FBXO34: variants seen among roughly 807,000 people sequenced by gnomAD.
The protein encoded by FBXO34 is F-box only protein 34.
FBXO34 carries 12 observed loss-of-function variants against 24.5 expected under a neutral mutation model. That is an observed-to-expected ratio of 0.49 (90% CI 0.31 to 0.79). The LOEUF is 0.79. Among genes scored for constraint, FBXO34 ranks in the 30% least tolerant of loss-of-function variants. The probability of loss-of-function intolerance (pLI) is 0.04; values close to 1 mark genes in which losing one functional copy is unlikely to be tolerated. For synonymous variants in FBXO34, 320 were observed against 311.9 expected, an observed-to-expected ratio of 1.03 and a Z score of -0.27; for missense variants, 823 against 857.7, an observed-to-expected ratio of 0.96 and a Z score of 0.51.
chr14:55,335,865 A>G (rs917576424), intron 1 of FBXO34, among the ~76,000 whole-genome samples: 2 of 152,204 alleles, frequency 1.3e-5, no homozygotes, highest in African/African-American at 4.8e-5. Flanking sequence ...CTACATGCCA[A>G]CTGTTCAAAA....
intron 1 of FBXO34, among the ~76,000 whole-genome samples, chr14:55,291,317 C>G (rs1037540230): frequency 6.6e-5 from 10 of 152,146 alleles, no homozygotes; most frequent in African/African-American, 2.2e-4. Flanking sequence ...AGAGAAAATA[C>G]TTCTATGCTT....
intron 1 of FBXO34, among the ~76,000 whole-genome samples, chr14:55,300,364 G>A (rs1228087119): frequency 2.6e-5 from 4 of 152,166 alleles, no homozygotes; most frequent in Admixed American, 2.0e-4. Context: ...AGGCTGAGGC[G>A]GGTGGATCAC....
chr14:55,292,263 A>T (rs893508059), intron 1 of FBXO34, among the ~76,000 whole-genome samples: 2 of 152,102 alleles, frequency 1.3e-5, no homozygotes, highest in South Asian at 4.1e-4. Flanking sequence ...AAGTGTCCTT[A>T]ATTATATTTT....
intron 1 of FBXO34, among the ~76,000 whole-genome samples, chr14:55,344,852 C>T (rs542197107): frequency 6.6e-5 from 10 of 152,152 alleles, no homozygotes; most frequent in Admixed American, 3.9e-4. Flanking sequence ...TTGCTCTCCC[C>T]ATGGGCTCTC....
At chr14:55,371,784 A>G (rs57623127), downstream of FBXO34, among the ~76,000 whole-genome samples, 1,410 of 151,806 alleles carry the variant, frequency 9.3e-3, 30 homozygotes, top group African/African-American at 0.033. Flanking sequence ...AGCCTGGGCG[A>G]CAGAGCGAGA....
chr14:55,295,240 A>C (rs1320352506), intron 1 of FBXO34, among the ~76,000 whole-genome samples: 2 of 152,158 alleles, frequency 1.3e-5, no homozygotes, highest in African/African-American at 2.4e-5. Flanking sequence ...TCCCTTTCCT[A>C]CTGGAGGTAG....
At chr14:55,438,222 T>C in the FBXO34 span, among the ~76,000 whole-genome samples, 4 of 152,224 alleles carry the variant, frequency 2.6e-5, no homozygotes, top group Non-Finnish European at 4.4e-5. Flanking sequence ...CTACCTCCGC[T>C]AATGTACGTC....
exon 3 of FBXO34, chr14:55,367,950 A>G (rs1415871318): frequency 6.6e-6 from 1 of 151,470 alleles, no homozygotes; most frequent in Non-Finnish European, 1.5e-5. Flanking sequence ...TACAATTATT[A>G]TGATGAGAAA....
chr14:55,338,080 C>T (rs555484154), intron 1 of FBXO34, among the ~76,000 whole-genome samples: 14 of 57,512 alleles, frequency 2.4e-4, no homozygotes, highest in African/African-American at 6.6e-4. Flanking sequence ...GATGGAGTCT[C>T]GCTCTGTCGC....
chr14:55,381,555 A>C, the FBXO34 span, among the ~76,000 whole-genome samples: 1 of 152,228 alleles, frequency 6.6e-6, no homozygotes, highest in Non-Finnish European at 1.5e-5. Flanking sequence ...ATGATGGAAT[A>C]TTACTCAACC....
At chr14:55,392,452 AG>A in the FBXO34 span, among the ~76,000 whole-genome samples, 1 of 152,164 alleles carries the variant, frequency 6.6e-6, no homozygotes, top group Non-Finnish European at 1.5e-5. Context: ...GTTCGAGGCC[AG>A]CCTGGGCAAC....
At chr14:55,379,228 GTGTT>G in the FBXO34 span, among the ~76,000 whole-genome samples, 1 of 152,170 alleles carries the variant, frequency 6.6e-6, no homozygotes, top group Admixed American at 6.5e-5. Context: ...AGTGTAAACA[GTGTT>G]TATTTAAAGG....
rs1255462073 is a variant in FBXO34, at chr14:55,351,627, G to A, written c.1237G>A (p.Gly413Arg). 2 of 1,614,178 alleles carry A rather than the reference G, an allele frequency of 1.2e-6. No individual in the cohort carries two copies. Among genetic ancestry groups the A allele is most frequent in the Admixed American group, 1.7e-5 (1 of 60,022 alleles). Residue 413 changes from glycine (G) to arginine (R), a missense_variant, in exon 2 of 2, where the codon GGG becomes AGG. Transcript: ENST00000313833. ...TGTGGAAATGACAGATGAACTCGTTGGGTTACCTTTTTCCTCTCATACCTA... is the reference window on the plus strand; with the variant it reads ...TGTGGAAATGACAGATGAACTCGTTAGGTTACCTTTTTCCTCTCATACCTA... ...YDVEMTDELVGLPFSSHTYSQ... is the reference protein window; with the variant it reads ...YDVEMTDELVRLPFSSHTYSQ...
the FBXO34 span, among the ~76,000 whole-genome samples, chr14:55,401,945 C>T: frequency 2.6e-5 from 4 of 152,148 alleles, no homozygotes; most frequent in South Asian, 2.1e-4. Context: ...AAAACAATGA[C>T]GGGAGTATGC....
At chr14:55,312,549 G>T (rs1462964148) in intron 1 of FBXO34, among the ~76,000 whole-genome samples, 1 of 152,214 alleles carries the variant, frequency 6.6e-6, no homozygotes, top group Non-Finnish European at 1.5e-5. Context: ...CTCCATGAGG[G>T]CTCCACCCTG....
chr14:55,323,515 T>C (rs951388152), intron 1 of FBXO34, among the ~76,000 whole-genome samples: 5 of 151,906 alleles, frequency 3.3e-5, no homozygotes, highest in Non-Finnish European at 5.9e-5. Context: ...CCCGAGTAGC[T>C]GGGATTACAG....
At chr14:55,366,063 G>A (rs539102711), downstream of FBXO34, among the ~76,000 whole-genome samples, 2 of 152,182 alleles carry the variant, frequency 1.3e-5, no homozygotes, top group South Asian at 4.2e-4. Flanking sequence ...GGTTCCACGT[G>A]GGCATCCTAG....
At chr14:55,291,197 A>G (rs921656842) in intron 1 of FBXO34, among the ~76,000 whole-genome samples, 2 of 152,144 alleles carry the variant, frequency 1.3e-5, no homozygotes, top group Non-Finnish European at 2.9e-5. Context: ...GCAGTTGGAC[A>G]ATACACTTGT....
chr14:55,333,722 C>CT (rs11406474), intron 1 of FBXO34, among the ~76,000 whole-genome samples: 81,275 of 145,236 alleles, frequency 0.56, 25,298 homozygotes, highest in African/African-American at 0.87. Flanking sequence ...GCTGGGGTGG[C>CT]TTTTTTTTTT....
Sources: allele counts gnomAD v4.1 joint callset (sites outside exome capture counted in the v4.1 genomes callset), GRCh38; gene constraint gnomAD v4.1.1; transcripts MANE v1.5; gene names NCBI Gene and HGNC (gene_info 2026-07-23, HGNC 2026-07-21).